MYO5C: variants seen among roughly 807,000 people sequenced by gnomAD.
The protein encoded by MYO5C is myosin VC.
Under a neutral mutation model 235.7 loss-of-function variants are expected in MYO5C, and 194 were observed. The ratio of observed to expected loss-of-function variants is 0.82; its 90% confidence interval spans 0.73 to 0.93. MYO5C has a LOEUF of 0.93. Ranked by LOEUF, MYO5C falls within the 40% of genes least tolerant of loss-of-function variation. The pLI is 0.00. For synonymous variants in MYO5C, 707 were observed against 754.8 expected, an observed-to-expected ratio of 0.94 and a Z score of 1.04; for missense variants, 2,038 against 2,127.2, an observed-to-expected ratio of 0.96 and a Z score of 0.82.
intron 38 of MYO5C, among the ~76,000 whole-genome samples, chr15:52,199,364 C>T (rs934402912): frequency 6.6e-6 from 1 of 152,132 alleles, no homozygotes; most frequent in Admixed American, 6.5e-5. Flanking sequence ...ATGGAGTAAC[C>T]ACACTCCATC....
chr15:52,232,813 G>T (rs2035995909), intron 23 of MYO5C, 128 bp from the exon 24 acceptor site: 2 of 769,184 alleles, frequency 2.6e-6, no homozygotes, highest in Non-Finnish European at 4.5e-6. Flanking sequence ...GACTTACAAT[G>T]AGAGTATAGC....
Position 52,235,653 on chromosome 15 carries a change from T to C in MYO5C, c.2962+17A>G. On this transcript the variant is annotated intron_variant, in intron 23 of 40. Transcript: ENST00000261839. ...CTAAATCAGTGAATGTCTGGATTTG[T>C]GCCCCCCAAGCTTTACCTTTTAACT... 1.3e-6 allele frequency: 2 copies of C among 1,584,706 alleles called. No homozygotes were observed. Among genetic ancestry groups the C allele is most frequent in the Non-Finnish European group, 1.7e-6 (2 of 1,159,858 alleles).
rs542667827 is a variant in MYO5C at position 52,241,418 on chromosome 15, C to G, written c.2556+630G>C. On this transcript the variant is annotated intron_variant, in intron 20 of 40. Coordinates refer to ENST00000261839, the MANE Select transcript of MYO5C (RefSeq NM_018728.4). ...GGGACTACAGGTGCCCGTCACCACACCCGGCTAATTTTTTGTATTTTTAGT... is the reference window on the plus strand; with the variant it reads ...GGGACTACAGGTGCCCGTCACCACAGCCGGCTAATTTTTTGTATTTTTAGT... 5.3e-5 allele frequency among the ~76,000 whole-genome samples: 8 copies of G among 152,112 alleles called. No homozygotes were observed. In the East Asian group the frequency reaches 1.5e-3, roughly 29 times the overall value.
At chr15:52,274,227 C>T (rs538899311) in intron 5 of MYO5C, among the ~76,000 whole-genome samples, 6 of 152,198 alleles carry the variant, frequency 3.9e-5, no homozygotes, top group Admixed American at 3.9e-4. Flanking sequence ...AGGAGACAAA[C>T]CCTAAATATT....
chr15:52,249,885 T>G (rs1250924539), intron 13 of MYO5C, among the ~76,000 whole-genome samples: 1 of 152,206 alleles, frequency 6.6e-6, no homozygotes, highest in Non-Finnish European at 1.5e-5. Flanking sequence ...GCCAATGAGA[T>G]TGAAAACCTA....
chr15:52,295,651 G>T lies in MYO5C; in HGVS notation c.-15C>A. 1 of 1,455,326 alleles carries T rather than the reference G, an allele frequency of 6.9e-7. No individual in the cohort carries two copies. The allele number at this position is 1,455,326 out of a possible 1,614,324, so 90.2% of individuals were successfully genotyped here. The stretch of plus-strand genomic sequence containing the variant: ...GCCACCGCCATGGGCAGGAGGGGCC[G>T]GGGCCAGGCCGGGGCTGCCGAACGT... On this transcript the variant is annotated 5_prime_UTR_variant, in exon 1 of 41. Transcript: ENST00000261839.
At chr15:52,209,306 C>T (rs1232970878) in intron 35 of MYO5C, among the ~76,000 whole-genome samples, 1 of 152,082 alleles carries the variant, frequency 6.6e-6, no homozygotes, top group Non-Finnish European at 1.5e-5. Context: ...AAAGAAACAC[C>T]ACTGGTTTTA....
chr15:52,254,712 C>CAA (rs11328196), intron 11 of MYO5C, among the ~76,000 whole-genome samples: 10 of 131,968 alleles, frequency 7.6e-5, no homozygotes, highest in African/African-American at 2.4e-4. Context: ...AGAACAAAAG[C>CAA]AAAAAAAAAA....
intron 1 of MYO5C, among the ~76,000 whole-genome samples, chr15:52,292,976 G>A (rs2037423977): frequency 6.6e-6 from 1 of 152,242 alleles, no homozygotes; most frequent in South Asian, 2.1e-4. Flanking sequence ...GAGAGAGGCA[G>A]GACCTCGTGG....
Position 52,205,919 on chromosome 15 carries a change from G to T in MYO5C, c.4434C>A (p.Asn1478Lys). ...GTCTGTATTCTGAAAGGTCAAAATTGTTCAAGCAATTCTTATTCTGCTGTG... is the reference window on the plus strand; with the variant it reads ...GTCTGTATTCTGAAAGGTCAAAATTTTTCAAGCAATTCTTATTCTGCTGTG... ...NSPQQNKNCLNNFDLSEYRQI... is the reference protein window; with the variant it reads ...NSPQQNKNCLKNFDLSEYRQI... The change falls in exon 37 of 41, where the codon AAC (asparagine) becomes AAA (lysine). Residue 1478 changes from asparagine (N) to lysine (K), a missense_variant. Coordinates refer to ENST00000261839, the MANE Select transcript of MYO5C (RefSeq NM_018728.4). The T allele has an allele frequency of 6.3e-7, 1 of 1,596,778 alleles. No individual in the cohort carries two copies.
intron 40 of MYO5C, 52 bp from the exon 41 acceptor site, chr15:52,194,106 TTACTG>T: frequency 6.4e-7 from 1 of 1,572,710 alleles, no homozygotes; most frequent in East Asian, 2.3e-5. Context: ...ATGTTCTGCT[TTACTG>T]CTACCTGAAA....
At chr15:52,217,299 C>T (rs2035578230) in intron 32 of MYO5C, among the ~76,000 whole-genome samples, 1 of 152,240 alleles carries the variant, frequency 6.6e-6, no homozygotes, top group African/African-American at 2.4e-5. Flanking sequence ...CAGAGCCAGA[C>T]ACTTGGAGGA....
At chr15:52,294,266 C>T (rs2037451963) in intron 1 of MYO5C, among the ~76,000 whole-genome samples, 1 of 152,254 alleles carries the variant, frequency 6.6e-6, no homozygotes, top group African/African-American at 2.4e-5. Flanking sequence ...TCGTCGAAGA[C>T]TAGTCCAAGA....
chr15:52,250,095 CT>C, intron 13 of MYO5C, among the ~76,000 whole-genome samples: 1 of 152,128 alleles, frequency 6.6e-6, no homozygotes. Flanking sequence ...TTCCCCCTCC[CT>C]TTTCCTATGG....
intron 39 of MYO5C, 112 bp downstream of exon 39, chr15:52,196,197 G>T: frequency 1.0e-6 from 1 of 1,003,420 alleles, no homozygotes. Flanking sequence ...GTATGCTCCC[G>T]AGAGTACACA....
Position 52,213,227 on chromosome 15 carries a change from T to C in MYO5C, c.4102A>G (p.Arg1368Gly), listed in dbSNP as rs778892607. 1 of 1,614,156 alleles carries C rather than the reference T, an allele frequency of 6.2e-7. No individual in the cohort carries two copies. Among genetic ancestry groups the C allele is most frequent in the South Asian group, 1.1e-5 (1 of 91,076 alleles). ...KEYLGMLQYKREDEAKLIQNL... is the reference protein window; with the variant it reads ...KEYLGMLQYKGEDEAKLIQNL... ...TGAATGAGCTTGGCCTCGTCTTCTC[T>C]CTTGTATTGCAGCATTCCAAGGTAC... The change falls in exon 34 of 41, where the codon AGA becomes GGA. Residue 1368 changes from arginine to glycine, a missense_variant. Transcript: ENST00000261839.
chr15:52,277,065 G>A (rs1049335179), intron 4 of MYO5C: 5 of 469,840 alleles, frequency 1.1e-5, no homozygotes, highest in Admixed American at 4.8e-5. Context: ...ACAGAGCCCC[G>A]GTCCAATATT....
intron 29 of MYO5C, among the ~76,000 whole-genome samples, chr15:52,221,820 C>T (rs546148591): frequency 3.3e-5 from 5 of 152,250 alleles, no homozygotes; most frequent in Admixed American, 2.0e-4. Context: ...CATTTTAAAA[C>T]TGAGTGGCTG....
chr15:52,274,428 C>T (rs141009608), intron 5 of MYO5C, among the ~76,000 whole-genome samples: 35 of 152,206 alleles, frequency 2.3e-4, no homozygotes, highest in African/African-American at 8.4e-4. Flanking sequence ...CAGACATGTG[C>T]CACTATACCT....
Sources: gnomAD v4.1 joint callset for allele counts (sites outside exome capture counted in the v4.1 genomes callset) on GRCh38, gnomAD v4.1.1 for gene constraint, MANE v1.5 for transcripts, NCBI Gene and HGNC (gene_info 2026-07-23, HGNC 2026-07-21) for gene names.